Variants in DYM observed in about 807,000 individuals in gnomAD.
DYM encodes dymeclin.
A neutral mutation model predicts 93.1 loss-of-function variants in DYM; 78 were observed. That is an observed-to-expected ratio of 0.84 (90% CI 0.70 to 1.01). DYM has a LOEUF of 1.01. DYM is among the 50% of genes least tolerant of loss of function. The probability of loss-of-function intolerance (pLI) is 0.00; values close to 1 mark genes in which losing one functional copy is unlikely to be tolerated. For synonymous variants in DYM, 321 were observed against 319.7 expected (o/e 1.00, Z -0.04); for missense variants, 789 against 845.0 (o/e 0.93, Z 0.82).
At chr18:49,152,473 T>C (rs2144763087) in intron 15 of DYM, among the ~76,000 whole-genome samples, 1 of 152,204 alleles carries the variant, frequency 6.6e-6, no homozygotes, top group African/African-American at 2.4e-5. Context: ...AGGAAAAAAG[T>C]GGTAGGGTCA....
At chr18:49,372,818 G>C (rs1172239851) in intron 5 of DYM, among the ~76,000 whole-genome samples, 1 of 151,610 alleles carries the variant, frequency 6.6e-6, no homozygotes, top group Non-Finnish European at 1.5e-5. Context: ...ACAATGATAG[G>C]TTCAAATTAA....
intron 8 of DYM, among the ~76,000 whole-genome samples, chr18:49,307,040 A>T (rs2061317074): frequency 6.6e-6 from 1 of 151,926 alleles, no homozygotes; most frequent in Non-Finnish European, 1.5e-5. Flanking sequence ...GAGAAGTATA[A>T]TATATGGTTC....
In DYM at chr18:49,118,912, A is replaced by G. The variant is rs897200437; in HGVS notation, c.1743T>C (p.Asn581=). The G allele has an allele frequency of 1.2e-6, 2 of 1,613,850 alleles. No individual in the cohort carries two copies. Among genetic ancestry groups the G allele is most frequent in the Non-Finnish European group, 1.7e-6 (2 of 1,179,946 alleles). ...TCATTCGAATCACTTCTTCAATGAC[A>G]TTTAGGTCTTGTGCCTTATAGAGAA... The part of the protein sequence containing the change: ...VPLPDYAQDL[N]VIEEVIRMML... The change falls in exon 16 of 18, where the codon AAT becomes AAC. Residue 581 remains asparagine (N), a synonymous_variant. Transcript: ENST00000675505.
Position 49,331,930 on chromosome 18 carries a change from C to A in DYM, c.697G>T (p.Ala233Ser). 1.9e-6 allele frequency: 3 copies of A among 1,614,024 alleles called. No homozygotes were observed. The highest frequency in any genetic ancestry group is 2.2e-5 in the South Asian group (2 of 91,078). Residue 233 changes from alanine to serine, a missense_variant, in exon 8 of 18, where the codon GCC (alanine) becomes TCC (serine). Ala to Ser is a moderately conservative substitution (Grantham distance 99). Transcript: ENST00000675505. ...IRQEKPPPPG[A>S]HVFPQQSDGG... ...TCCGACTGCTGAGGGAAAACATGGG[C>A]CCCTGGAGGAGGTGGCTTTTCTTGT... is the stretch of plus-strand genomic sequence containing the variant.
Position 49,407,907 on chromosome 18 carries a change from T to C in DYM, c.141-16262A>G, listed in dbSNP as rs1240189567. ...CCCTGTACATTTTTGCAACCTCTAA[T>C]CCATTTAAATTATTTCCAAGTAAGT... is the stretch of plus-strand genomic sequence containing the variant. On this transcript the variant is annotated intron_variant, in intron 2 of 17. Coordinates refer to ENST00000675505, the MANE Select transcript of DYM (RefSeq NM_001353214.3). 2.0e-5 allele frequency among the ~76,000 whole-genome samples: 3 copies of C among 152,146 alleles called. No individual in the cohort carries two copies. The East Asian group carries it at 5.8e-4, about 29-fold the overall frequency.
Position 49,393,286 on chromosome 18 carries a change from CAT to C in DYM, c.141-1643_141-1642del, listed in dbSNP as rs373775674. On this transcript the variant is annotated intron_variant, in intron 2 of 17. Coordinates refer to ENST00000675505, the MANE Select transcript of DYM (RefSeq NM_001353214.3). ...TATGGCAGTTCCTCAAAAAATTAAA[CAT>C]AAAATTACCATCCGGGTAGATACCC... Among the ~76,000 whole-genome samples, 20 of 152,158 alleles carry C rather than the reference CAT, an allele frequency of 1.3e-4. No homozygotes were observed. The South Asian group carries it at 4.1e-3, about 32-fold the overall frequency.
intron 15 of DYM, among the ~76,000 whole-genome samples, chr18:49,161,885 C>G (rs1257206914): frequency 6.6e-6 from 1 of 152,214 alleles, no homozygotes; most frequent in Non-Finnish European, 1.5e-5. Context: ...AAACAAACCA[C>G]AGGAAAGAAG....
intron 17 of DYM, among the ~76,000 whole-genome samples, chr18:49,047,093 T>G (rs757027987): frequency 6.6e-6 from 1 of 152,148 alleles, no homozygotes; most frequent in African/African-American, 2.4e-5. Context: ...GCCATTGATG[T>G]AACTTCAACA....
At chr18:49,284,661 T>A (rs1238282329) in intron 9 of DYM, among the ~76,000 whole-genome samples, 1 of 152,178 alleles carries the variant, frequency 6.6e-6, no homozygotes, top group Non-Finnish European at 1.5e-5. Flanking sequence ...GGTCTCACAC[T>A]CTGAAGCGAT....
At chr18:49,446,740 A>T (rs2082121923) in intron 1 of DYM, among the ~76,000 whole-genome samples, 1 of 152,138 alleles carries the variant, frequency 6.6e-6, no homozygotes, top group Non-Finnish European at 1.5e-5. Context: ...CTTCCAAGGG[A>T]AAGCTTCCAA....
intron 9 of DYM, among the ~76,000 whole-genome samples, chr18:49,283,590 T>C (rs1178884472): frequency 6.6e-6 from 1 of 152,074 alleles, no homozygotes; most frequent in Non-Finnish European, 1.5e-5. Flanking sequence ...ACAAAGAAGA[T>C]AAAGATAAGT....
chr18:49,310,570 A>G (rs2061530706), intron 8 of DYM, among the ~76,000 whole-genome samples: 1 of 152,162 alleles, frequency 6.6e-6, no homozygotes, highest in South Asian at 2.1e-4. Flanking sequence ...ATTAACCATA[A>G]TTATGTGTGG....
Position 49,041,566 on chromosome 18 carries a change from G to A in DYM, c.*2489C>T, listed in dbSNP as rs559033544. The A allele has an allele frequency of 5.9e-5, 9 of 152,384 alleles. No homozygotes were observed. Among genetic ancestry groups the A allele is most frequent in the African/African-American group, 1.9e-4 (8 of 41,590 alleles). The allele number at this position is 152,384 out of a possible 1,614,324, so 9.4% of individuals were successfully genotyped here. On this transcript the variant is annotated 3_prime_UTR_variant, in exon 18 of 18. Transcript: ENST00000675505. ...GGTGACTTTGCAGAGCTGAGGCAGT[G>A]ATGCACGTGGTGGGGCCTCCCTCCT...
intron 17 of DYM, among the ~76,000 whole-genome samples, chr18:49,066,408 T>G (rs2076390361): frequency 1.3e-5 from 2 of 152,222 alleles, no homozygotes; most frequent in South Asian, 4.1e-4. Context: ...TCACTTACCA[T>G]TATGCATGTG....
chr18:49,349,236 C>A (rs536916576), intron 6 of DYM, among the ~76,000 whole-genome samples: 2 of 151,976 alleles, frequency 1.3e-5, no homozygotes, highest in Non-Finnish European at 2.9e-5. Context: ...AAACATAAAA[C>A]CATAAATATT....
chr18:49,317,599 CCCCTCCCCCCTCCCT>C (rs1416692277), intron 8 of DYM, among the ~76,000 whole-genome samples: 5 of 22,098 alleles, frequency 2.3e-4, no homozygotes, highest in African/African-American at 1.3e-3. Context: ...CTCTCTCTCC[CCCCTCCCCCCTCCCT>C]CCCTCCCTCC....
rs145269758 is a variant in DYM at position 49,235,333 on chromosome 18, C to T, written c.1460+21677G>A. Among the ~76,000 whole-genome samples, 474 of 152,242 alleles carry T rather than the reference C, an allele frequency of 3.1e-3. 3 individuals carry two copies. The highest frequency in any genetic ancestry group is 0.011 in the African/African-American group (440 of 41,546). ...AGATACTCAGATTTTAGGTTTTTCT[C>T]TTATTCACAGTTGAACCTAAATCTG... On this transcript the variant is annotated intron_variant, in intron 13 of 17. Transcript: ENST00000675505.
At position 49,399,147 on chromosome 18, in the gene DYM, C is replaced by T. The variant is rs528808081; in HGVS notation, c.141-7502G>A. Among the ~76,000 whole-genome samples, 22 of 152,266 alleles carry T rather than the reference C, an allele frequency of 1.4e-4. No individual in the cohort carries two copies. The South Asian group carries it at 4.4e-3, about 30-fold the overall frequency. ...CTACATGGAGGAATGAAAAAGCAGA[C>T]AGACAGTTCAGTACAGGGGAAGTAT... On this transcript the variant is annotated intron_variant, in intron 2 of 17. Transcript: ENST00000675505.
chr18:49,043,845 C>T lies in DYM; in HGVS notation c.*210G>A. 4.8e-6 allele frequency: 3 copies of T among 624,468 alleles called. No individual in the cohort carries two copies. Among genetic ancestry groups the T allele is most frequent in the Non-Finnish European group, 8.5e-6 (3 of 354,322 alleles). The allele number at this position is 624,468 out of a possible 1,614,324, so 38.7% of individuals were successfully genotyped here. A position where few individuals can be genotyped will look rare whatever the true frequency, so the allele number is the denominator to read the frequency against. On this transcript the variant is annotated 3_prime_UTR_variant, in exon 18 of 18. Coordinates refer to ENST00000675505, the MANE Select transcript of DYM (RefSeq NM_001353214.3). ...CATTTATTATTGTTGTGTATTTCCT[C>T]CCCTTTTTGCAATACTATCTACGCT...
Sources: allele counts gnomAD v4.1 joint callset (sites outside exome capture counted in the v4.1 genomes callset), GRCh38; gene constraint gnomAD v4.1.1; transcripts MANE v1.5; gene names NCBI Gene and HGNC (gene_info 2026-07-23, HGNC 2026-07-21).